Variants in TNRC6A observed in about 807,000 individuals in gnomAD.
The protein encoded by TNRC6A is trinucleotide repeat containing adaptor 6A, also known as trinucleotide repeat-containing gene 6A protein.
A neutral mutation model predicts 221.2 loss-of-function variants in TNRC6A; 44 were observed. The ratio of observed to expected loss-of-function variants is 0.20; its 90% CI spans 0.16 to 0.26. TNRC6A has a LOEUF of 0.26. TNRC6A is among the 10% of genes least tolerant of loss of function. The pLI, the probability that TNRC6A is intolerant of heterozygous loss-of-function variation, is 1.00. For missense variants in TNRC6A, 2,199 were observed against 2,404.4 expected, an observed-to-expected ratio of 0.91 and a Z score of 1.79; for synonymous variants, 847 against 838.5, an observed-to-expected ratio of 1.01 and a Z score of -0.18.
In TNRC6A at chr16:24,816,937, C is replaced by T; in HGVS notation, c.4953C>T (p.His1651=). 6.2e-7 allele frequency: 1 copy of T among 1,613,622 alleles called. No homozygotes were observed. The change falls in exon 20 of 25, where the codon CAC becomes CAT. Residue 1651 remains histidine, a synonymous_variant. Transcript: ENST00000395799. ...TTAATACTGTGCGGGAAGTTGACCA[C>T]CTCAGGGACAGGAACAGTGGTACGT... ...LSINTVREVD[H]LRDRNSGSSS...
rs1268427699 is a variant in TNRC6A, at chr16:24,766,706, T to C, written c.163+8346T>C. Among the ~76,000 whole-genome samples, 4 of 143,472 alleles carry C rather than the reference T, an allele frequency of 2.8e-5. No homozygotes were observed. The East Asian group carries it at 8.4e-4, about 30-fold the overall frequency. The allele number at this position is 143,472 out of a possible 152,430, so 94.1% of individuals were successfully genotyped here. Reference sequence around the variant, plus strand: ...TTTTTTTTTTTTTTGACGTGTAGTCTCACTCTGTCGCCCACGCTGGAGTGC... The same window carrying C: ...TTTTTTTTTTTTTTGACGTGTAGTCCCACTCTGTCGCCCACGCTGGAGTGC... On this transcript the variant is annotated intron_variant, in intron 4 of 24. Coordinates refer to ENST00000395799, the MANE Select transcript of TNRC6A (RefSeq NM_014494.4).
intron 2 of TNRC6A, among the ~76,000 whole-genome samples, chr16:24,646,552 A>G (rs1291031654): frequency 6.6e-6 from 1 of 152,236 alleles, no homozygotes; most frequent in Non-Finnish European, 1.5e-5. Flanking sequence ...GGGAAACATC[A>G]GTCTCTTGTT....
At chr16:24,635,087 TTTTCTTTC>T (rs201050969) in intron 1 of TNRC6A, among the ~76,000 whole-genome samples, 60 of 150,236 alleles carry the variant, frequency 4.0e-4, no homozygotes, top group Non-Finnish European at 6.6e-4. Context: ...TCTTTCTTTC[TTTTCTTTC>T]TTTCTTTCTT....
chr16:24,681,314 A>G (rs2055529545), intron 2 of TNRC6A, among the ~76,000 whole-genome samples: 1 of 151,742 alleles, frequency 6.6e-6, no homozygotes, highest in Non-Finnish European at 1.5e-5. Flanking sequence ...TGCAGCCTAC[A>G]CCTCCTGGAT....
chr16:24,777,415 A>G lies in TNRC6A; in HGVS notation c.589+57A>G, dbSNP rs376643645. 1.0e-5 allele frequency: 16 copies of G among 1,526,410 alleles called. No individual in the cohort carries two copies. The East Asian group carries it at 3.6e-4, about 35-fold the overall frequency. The allele number at this position is 1,526,410 out of a possible 1,614,324, so 94.6% of individuals were successfully genotyped here. On this transcript the variant is annotated intron_variant, in intron 5 of 24. Coordinates refer to ENST00000395799, the MANE Select transcript of TNRC6A (RefSeq NM_014494.4). The stretch of plus-strand genomic sequence containing the variant: ...CCTTATCATCATTAGCTGTATAGCA[A>G]GTTGATAAATTCGTAGCTTTTTGGT...
At chr16:24,665,231 G>T (rs780404132) in intron 2 of TNRC6A, among the ~76,000 whole-genome samples, 3 of 151,732 alleles carry the variant, frequency 2.0e-5, no homozygotes, top group Non-Finnish European at 4.4e-5. Context: ...TTTTAAAACT[G>T]GCTAATTTTT....
At chr16:24,753,382 C>T (rs1490946002) in intron 3 of TNRC6A, among the ~76,000 whole-genome samples, 1 of 152,188 alleles carries the variant, frequency 6.6e-6, no homozygotes, top group African/African-American at 2.4e-5. Context: ...AGTATCTACC[C>T]ACTGAACACA....
intron 1 of TNRC6A, among the ~76,000 whole-genome samples, chr16:24,612,043 G>A (rs1037949033): frequency 2.0e-5 from 3 of 152,058 alleles, no homozygotes; most frequent in South Asian, 2.1e-4. Flanking sequence ...GCAGTGAGCC[G>A]AGATCATGCC....
rs1173972933 is a variant in TNRC6A, at chr16:24,804,216, G to A, written c.3734G>A (p.Ser1245Asn). The change falls in exon 12 of 25, where the codon AGC becomes AAC. Residue 1245 changes from serine (S) to asparagine (N), a missense_variant. Around this residue, in one of 8 missense-constraint regions of TNRC6A, gnomAD observed 158 missense variants for 159.1 expected, o/e 0.99. Transcript: ENST00000395799. ...QDKRMEIDKH[S>N]LNIGDYNRTV... The stretch of plus-strand genomic sequence containing the variant: ...AAACGAATGGAGATAGATAAACATA[G>A]CCTAAATATTGGTGATTACAATCGA... 6.2e-7 allele frequency: 1 copy of A among 1,613,012 alleles called. No individual in the cohort carries two copies. Among genetic ancestry groups the A allele is most frequent in the Admixed American group, 1.7e-5 (1 of 59,568 alleles).
intron 2 of TNRC6A, among the ~76,000 whole-genome samples, chr16:24,660,278 G>A (rs1221319025): frequency 2.0e-5 from 3 of 151,834 alleles, no homozygotes; most frequent in African/African-American, 7.3e-5. Flanking sequence ...TCATTCTTAT[G>A]CCTTTGCATC....
At chr16:24,757,348 A>T (rs1240736215) in intron 3 of TNRC6A, among the ~76,000 whole-genome samples, 1 of 152,314 alleles carries the variant, frequency 6.6e-6, no homozygotes, top group Non-Finnish European at 1.5e-5. Flanking sequence ...TTAAAATGGT[A>T]TTTTTGATAA....
At chr16:24,769,440 A>G (rs1460590449) in intron 4 of TNRC6A, among the ~76,000 whole-genome samples, 1 of 150,798 alleles carries the variant, frequency 6.6e-6, no homozygotes, top group African/African-American at 2.4e-5. Context: ...TAAAACTGTG[A>G]AATAGATGGG....
intron 2 of TNRC6A, among the ~76,000 whole-genome samples, chr16:24,647,223 C>T (rs867304445): frequency 2.0e-5 from 3 of 152,282 alleles, no homozygotes; most frequent in Middle Eastern, 3.4e-3. Flanking sequence ...TGAGCCACCA[C>T]GCCAGCCTAA....
At position 24,648,488 on chromosome 16, in the gene TNRC6A, T is replaced by A. The variant is rs111322248; in HGVS notation, n.402+7479T>A. Reference sequence around the variant, plus strand: ...GGTTTCACCGTGTTAGCCAGGATGGTCTCGATCTCCTGACCTCATGATTCA... The same window carrying A: ...GGTTTCACCGTGTTAGCCAGGATGGACTCGATCTCCTGACCTCATGATTCA... On this transcript the variant is annotated intron_variant and non_coding_transcript_variant, in intron 2 of 2. Coordinates refer to the TNRC6A transcript ENST00000566108. Among the ~76,000 whole-genome samples the A allele has an allele frequency of 3.1e-3, 477 of 151,972 alleles. 5 individuals carry two copies. Among genetic ancestry groups the A allele is most frequent in the African/African-American group, 0.011 (438 of 41,420 alleles).
chr16:24,631,278 T>C (rs1327631048), intron 1 of TNRC6A, among the ~76,000 whole-genome samples: 1 of 152,052 alleles, frequency 6.6e-6, no homozygotes, highest in East Asian at 1.9e-4. Flanking sequence ...ACCTGTATGG[T>C]GAAGGCCACA....
At chr16:24,665,695 C>T (rs2055143958) in intron 2 of TNRC6A, among the ~76,000 whole-genome samples, 1 of 152,288 alleles carries the variant, frequency 6.6e-6, no homozygotes, top group East Asian at 1.9e-4. Flanking sequence ...TAGTAGCACT[C>T]CCTTCCCAGT....
chr16:24,751,616 A>G (rs1207005335), intron 3 of TNRC6A, among the ~76,000 whole-genome samples: 1 of 152,218 alleles, frequency 6.6e-6, no homozygotes, highest in Non-Finnish European at 1.5e-5. Context: ...GTTTCAAGAC[A>G]TTAAAATGCT....
At chr16:24,655,865 T>A (rs938142437) in intron 2 of TNRC6A, among the ~76,000 whole-genome samples, 2 of 152,046 alleles carry the variant, frequency 1.3e-5, no homozygotes, top group African/African-American at 4.8e-5. Flanking sequence ...ATAGGCCTGG[T>A]GCCCTGGCTC....
rs571967231 is a variant in TNRC6A at position 24,648,420 on chromosome 16, A to G, written n.402+7411A>G. On this transcript the variant is annotated intron_variant and non_coding_transcript_variant, in intron 2 of 2. Coordinates refer to the TNRC6A transcript ENST00000566108. ...CAAGTAGCTAGGACTACAGGTGCCCACCACCACGCCTGGCTAATTTTTTGT... is the reference window on the plus strand; with the variant it reads ...CAAGTAGCTAGGACTACAGGTGCCCGCCACCACGCCTGGCTAATTTTTTGT... Among the ~76,000 whole-genome samples the G allele has an allele frequency of 2.3e-3, 344 of 151,890 alleles. 3 individuals carry two copies. Among genetic ancestry groups the G allele is most frequent in the African/African-American group, 7.7e-3 (317 of 41,410 alleles).
Sources: allele counts gnomAD v4.1 joint callset (sites outside exome capture counted in the v4.1 genomes callset), GRCh38; gene constraint gnomAD v4.1.1; regional missense constraint gnomAD v4.1.1; transcripts MANE v1.5; gene names NCBI Gene and HGNC (gene_info 2026-07-23, HGNC 2026-07-21).